Variants in GLI2 observed in about 807,000 individuals in gnomAD.
The protein encoded by GLI2 is GLI family zinc finger 2, also known as transcription activator GLI2.
Under a neutral mutation model 78.9 loss-of-function variants are expected in GLI2, and 22 were observed. The observed-to-expected ratio is 0.28, with a 90% confidence interval of 0.20 to 0.40. GLI2 has a LOEUF of 0.40. Ranked by LOEUF, GLI2 falls within the 10% of genes least tolerant of loss-of-function variation. The pLI, the probability that GLI2 is intolerant of heterozygous loss-of-function variation, is 1.00. For missense variants in GLI2, 2,097 were observed against 2,213.2 expected, an observed-to-expected ratio of 0.95 and a Z score of 1.05; for synonymous variants, 974 against 963.7, an observed-to-expected ratio of 1.01 and a Z score of -0.20.
intron 5 of GLI2, among the ~76,000 whole-genome samples, chr2:120,967,452 T>G (rs1393060991): frequency 6.6e-6 from 1 of 152,146 alleles, no homozygotes; most frequent in African/African-American, 2.4e-5. Context: ...TAGGCCACCG[T>G]TTGTTCAGGG....
At chr2:120,857,861 T>G (rs1687734219) in intron 2 of GLI2, among the ~76,000 whole-genome samples, 1 of 151,682 alleles carries the variant, frequency 6.6e-6, no homozygotes, top group South Asian at 2.1e-4. Flanking sequence ...CTTCCCATTT[T>G]CTGATACTCT....
chr2:120,905,871 C>G (rs1027460615), intron 2 of GLI2, among the ~76,000 whole-genome samples: 1 of 151,884 alleles, frequency 6.6e-6, no homozygotes, highest in African/African-American at 2.4e-5. Context: ...TACACTGCCC[C>G]CCCCCCGCCC....
At position 120,990,503 on chromosome 2, in the gene GLI2, G is replaced by A. The variant is rs778433771; in HGVS notation, c.4538G>A (p.Ser1513Asn). ...DHSSLFSGAL[S>N]PSLLHSLSQN... ...TCGAGTTTGTTCTCGGGTGCTCTGAGCCCCAGCCTCCTCCACAGCCTCTCC... is the reference window on the plus strand; with the variant it reads ...TCGAGTTTGTTCTCGGGTGCTCTGAACCCCAGCCTCCTCCACAGCCTCTCC... The change falls in exon 14 of 14, where the codon AGC becomes AAC. Residue 1513 changes from serine (S) to asparagine (N), a missense_variant. Around this residue, in one of 5 missense-constraint regions of GLI2, gnomAD observed 1,290 missense variants for 1,261.7 expected, o/e 1.02. Coordinates refer to ENST00000361492, the MANE Select transcript of GLI2 (RefSeq NM_001374353.1). The A allele has an allele frequency of 6.2e-7, 1 of 1,613,994 alleles. No individual in the cohort carries two copies.
chr2:120,814,578 G>A (rs963099305), intron 2 of GLI2, among the ~76,000 whole-genome samples: 46 of 152,284 alleles, frequency 3.0e-4, no homozygotes, highest in Admixed American at 9.8e-4. Context: ...GAACCAGGCC[G>A]CATAGCGGGA....
chr2:120,748,111 T>G (rs1258730192), intron 1 of GLI2, among the ~76,000 whole-genome samples: 1 of 152,136 alleles, frequency 6.6e-6, no homozygotes, highest in Non-Finnish European at 1.5e-5. Flanking sequence ...GGAGCCTACT[T>G]TAGGAAAGGC....
chr2:120,980,081 T>C (rs1167818671), intron 10 of GLI2, among the ~76,000 whole-genome samples: 1 of 152,258 alleles, frequency 6.6e-6, no homozygotes, highest in Non-Finnish European at 1.5e-5. Flanking sequence ...TTTGAGGCTA[T>C]TATGAATAAT....
At chr2:120,949,641 G>A (rs1217703037) in intron 3 of GLI2, among the ~76,000 whole-genome samples, 1 of 152,222 alleles carries the variant, frequency 6.6e-6, no homozygotes, top group East Asian at 1.9e-4. Flanking sequence ...GGTGCAGGAA[G>A]GCATTGGAGG....
At chr2:120,910,317 A>G (rs894613197) in intron 2 of GLI2, among the ~76,000 whole-genome samples, 4 of 152,090 alleles carry the variant, frequency 2.6e-5, no homozygotes, top group African/African-American at 9.7e-5. Flanking sequence ...TTGCCTAATC[A>G]AGGGATGCAT....
Position 120,984,567 on chromosome 2 carries a change from C to T in GLI2, c.1729C>T (p.His577Tyr), listed in dbSNP as rs775250023. The change falls in exon 12 of 14, where the codon CAC becomes TAC. Residue 577 changes from histidine (H) to tyrosine (Y), a missense_variant. By Grantham distance (83) the His-to-Tyr change is moderately conservative. Coordinates refer to ENST00000361492, the MANE Select transcript of GLI2 (RefSeq NM_001374353.1). ...GAAAACGGTCCACGGCCCAGATGCC[C>T]ACGTCACCAAGAAGCAGCGCAATGA... is the stretch of plus-strand genomic sequence containing the variant. ...HVKTVHGPDA[H>Y]VTKKQRNDVH... The T allele has an allele frequency of 1.2e-6, 2 of 1,614,234 alleles. No homozygotes were observed. The highest frequency in any genetic ancestry group is 1.7e-6 in the Non-Finnish European group (2 of 1,180,036).
intron 2 of GLI2, among the ~76,000 whole-genome samples, chr2:120,910,631 A>T (rs969077368): frequency 2.0e-5 from 3 of 152,196 alleles, no homozygotes; most frequent in Non-Finnish European, 4.4e-5. Flanking sequence ...CCAGCATCCC[A>T]CACGTGTTGC....
chr2:120,947,361 T>C (rs557969024), intron 3 of GLI2, among the ~76,000 whole-genome samples: 2 of 152,240 alleles, frequency 1.3e-5, no homozygotes, highest in African/African-American at 2.4e-5. Flanking sequence ...GTGTTGTGAA[T>C]GTTTTATTTG....
intron 4 of GLI2, 133 bp from the exon 5 acceptor site, chr2:120,955,112 G>A (rs1681178908): frequency 1.1e-5 from 8 of 696,854 alleles, no homozygotes; most frequent in Middle Eastern, 7.6e-4. Context: ...GGAAAATGCC[G>A]AGGAGAGAAA....
chr2:120,765,647 C>T (rs775625951), intron 1 of GLI2, among the ~76,000 whole-genome samples: 10 of 152,330 alleles, frequency 6.6e-5, no homozygotes, highest in South Asian at 2.1e-4. Context: ...TTGGAGCTGA[C>T]GCCCCCTCCA....
In GLI2 at chr2:120,989,933, T is replaced by A; in HGVS notation, c.3968T>A (p.Val1323Asp). 1 of 1,611,698 alleles carries A rather than the reference T, an allele frequency of 6.2e-7. No homozygotes were observed. Among genetic ancestry groups the A allele is most frequent in the Non-Finnish European group, 8.5e-7 (1 of 1,179,444 alleles). The change falls in exon 14 of 14, where the codon GTC (valine) becomes GAC (aspartate). Residue 1323 changes from valine to aspartate, a missense_variant. By Grantham distance (152) the Val-to-Asp change is radical (BLOSUM62 -3). Coordinates refer to ENST00000361492, the MANE Select transcript of GLI2 (RefSeq NM_001374353.1). ...ASMSQEGYHQ[V>D]PSLLPARQPG... ...ATGAGCCAGGAGGGCTACCACCAGGTCCCCAGCCTTCTGCCTGCCCGCCAG... is the reference window on the plus strand; with the variant it reads ...ATGAGCCAGGAGGGCTACCACCAGGACCCCAGCCTTCTGCCTGCCCGCCAG...
intron 2 of GLI2, among the ~76,000 whole-genome samples, chr2:120,799,767 C>A (rs931184060): frequency 2.0e-5 from 3 of 152,160 alleles, no homozygotes; most frequent in African/African-American, 7.2e-5. Context: ...AGCAAGAATC[C>A]TCATGTATTC....
intron 5 of GLI2, among the ~76,000 whole-genome samples, chr2:120,961,247 T>C (rs1318937856): frequency 2.6e-5 from 4 of 152,192 alleles, no homozygotes; most frequent in Admixed American, 2.6e-4. Context: ...GCCTGTTCTT[T>C]ATGCTGCCTG....
At chr2:120,867,725 T>C (rs1688215307) in intron 2 of GLI2, among the ~76,000 whole-genome samples, 1 of 152,200 alleles carries the variant, frequency 6.6e-6, no homozygotes, top group African/African-American at 2.4e-5. Context: ...CCTTGTCTGC[T>C]GCGCTCCAAG....
At chr2:120,917,746 A>G (rs569530277) in intron 2 of GLI2, among the ~76,000 whole-genome samples, 24 of 152,262 alleles carry the variant, frequency 1.6e-4, no homozygotes, top group Non-Finnish European at 2.4e-4. Flanking sequence ...TGCTGCAGCC[A>G]TGGGATATGT....
At chr2:120,869,573 A>C (rs1339990097) in intron 2 of GLI2, among the ~76,000 whole-genome samples, 2 of 152,316 alleles carry the variant, frequency 1.3e-5, no homozygotes, top group South Asian at 2.1e-4. Context: ...CTGATTTATG[A>C]TAGATTGGTT....
Sources: allele counts gnomAD v4.1 joint callset (sites outside exome capture counted in the v4.1 genomes callset), GRCh38; gene constraint gnomAD v4.1.1; regional missense constraint gnomAD v4.1.1; transcripts MANE v1.5; gene names NCBI Gene and HGNC (gene_info 2026-07-23, HGNC 2026-07-21).